QTGAL: variants seen among roughly 807,000 people sequenced by gnomAD.
QTGAL encodes the protein queuosine-tRNA galactosyltransferase.
the QTGAL span, among the ~76,000 whole-genome samples, chr17:82,972,626 C>T: frequency 1.6e-5 from 2 of 123,914 alleles, no homozygotes; most frequent in Non-Finnish European, 3.2e-5. Context: ...ACACCATGGG[C>T]CAGAAGGACC....
chr17:82,942,358 C>G, the QTGAL span: 10 of 1,582,804 alleles, frequency 6.3e-6, no homozygotes, highest in African/African-American at 1.2e-4. Flanking sequence ...GTGTCAGTCC[C>G]CACACAGGGC....
At chr17:82,957,369 C>T in the QTGAL span, 2 of 1,613,118 alleles carry the variant, frequency 1.2e-6, no homozygotes, top group African/African-American at 1.3e-5. Flanking sequence ...CTTGCGCTGG[C>T]TGCCGGCAGT....
the QTGAL span, among the ~76,000 whole-genome samples, chr17:83,037,870 T>C: frequency 1.1e-4 from 16 of 152,342 alleles, no homozygotes; most frequent in Middle Eastern, 3.4e-3. The surrounding 1 kb of genome is among the most constrained non-coding windows in gnomAD (Gnocchi z 5.2). Flanking sequence ...TATTATTGCC[T>C]TGAAGAAAGT....
chr17:83,000,408 G>A, the QTGAL span, among the ~76,000 whole-genome samples: 6 of 152,180 alleles, frequency 3.9e-5, no homozygotes, highest in Non-Finnish European at 8.8e-5. Flanking sequence ...AACATCAGTC[G>A]TGCAGCACGC....
At chr17:83,007,249 T>A in the QTGAL span, 3 of 985,290 alleles carry the variant, frequency 3.0e-6, no homozygotes, top group Non-Finnish European at 3.6e-6. Context: ...AAAATAGTTG[T>A]GAATTAGGAC....
At chr17:83,051,374 G>T in the QTGAL span, among the ~76,000 whole-genome samples, 2 of 152,008 alleles carry the variant, frequency 1.3e-5, no homozygotes, top group African/African-American at 2.4e-5. Context: ...CAGGTGCGCC[G>T]TTCCTCCACC....
chr17:83,006,570 C>T, the QTGAL span: 608 of 985,454 alleles, frequency 6.2e-4, 4 homozygotes, highest in African/African-American at 5.0e-3. The surrounding 1 kb of genome is among the most constrained non-coding windows in gnomAD (Gnocchi z 5.8). Flanking sequence ...GCACCCGAGG[C>T]GCCCCTTACA....
At chr17:82,999,631 A>G in the QTGAL span, among the ~76,000 whole-genome samples, 7 of 152,238 alleles carry the variant, frequency 4.6e-5, no homozygotes, top group African/African-American at 1.7e-4. Context: ...AGGAAAGAAA[A>G]GCTTATTAAG....
chr17:82,979,819 A>T, the QTGAL span, among the ~76,000 whole-genome samples: 5 of 152,362 alleles, frequency 3.3e-5, no homozygotes, highest in East Asian at 9.6e-4. Flanking sequence ...TAGAGGAAAC[A>T]CATTAACCAA....
At chr17:83,033,202 T>A in the QTGAL span, among the ~76,000 whole-genome samples, 1 of 152,262 alleles carries the variant, frequency 6.6e-6, no homozygotes. Context: ...CAGTCATTTG[T>A]CCTGCTATTG....
the QTGAL span, chr17:82,961,154 A>C: frequency 1.2e-6 from 2 of 1,608,210 alleles, no homozygotes; most frequent in East Asian, 4.5e-5. Context: ...AGGTGCTCGT[A>C]GAAGAACAGC....
At chr17:83,047,297 A>G in the QTGAL span, among the ~76,000 whole-genome samples, 1 of 152,286 alleles carries the variant, frequency 6.6e-6, no homozygotes, top group African/African-American at 2.4e-5. Context: ...CCCCACCCTC[A>G]TGTCCTAATC....
chr17:82,979,703 A>C, the QTGAL span, among the ~76,000 whole-genome samples: 1 of 152,240 alleles, frequency 6.6e-6, no homozygotes, highest in Non-Finnish European at 1.5e-5. Context: ...TTGTAAGTTT[A>C]ACTCACTTGC....
chr17:82,957,330 G>A, the QTGAL span: 11 of 1,613,764 alleles, frequency 6.8e-6, no homozygotes, highest in African/African-American at 8.0e-5. Context: ...GGCAGGGCAG[G>A]CAGTGTTGGA....
At chr17:83,017,208 GA>G in the QTGAL span, among the ~76,000 whole-genome samples, 1 of 136,278 alleles carries the variant, frequency 7.3e-6, no homozygotes, top group African/African-American at 3.1e-5. Context: ...GCGGGAGGAG[GA>G]AGGGGGGTTG....
chr17:82,992,569 G>A, the QTGAL span, among the ~76,000 whole-genome samples: 6 of 152,148 alleles, frequency 3.9e-5, no homozygotes, highest in Non-Finnish European at 7.4e-5. Flanking sequence ...ATGCTAAAGA[G>A]AGTACTTTAA....
the QTGAL span, among the ~76,000 whole-genome samples, chr17:82,984,661 G>A: frequency 1.3e-5 from 2 of 152,100 alleles, no homozygotes; most frequent in Non-Finnish European, 2.9e-5. Context: ...CCAGCAGCCT[G>A]AGCTTGGACC....
At chr17:83,018,881 T>C in the QTGAL span, among the ~76,000 whole-genome samples, 1 of 152,164 alleles carries the variant, frequency 6.6e-6, no homozygotes, top group Non-Finnish European at 1.5e-5. Context: ...CTCTGGGACA[T>C]GGAGCTGTTT....
the QTGAL span, among the ~76,000 whole-genome samples, chr17:83,003,007 G>A: frequency 1.4e-5 from 1 of 70,564 alleles, no homozygotes; most frequent in Non-Finnish European, 2.8e-5. Context: ...CGCCCTCCGC[G>A]TGTGGGATTC....
Sources: allele counts gnomAD v4.1 joint callset (sites outside exome capture counted in the v4.1 genomes callset), GRCh38; gene constraint gnomAD v4.1.1; non-coding constraint Gnocchi (gnomAD v3.1); transcripts MANE v1.5; gene names NCBI Gene and HGNC (gene_info 2026-07-23, HGNC 2026-07-21).